Variants in NUFIP2 observed in about 807,000 individuals in gnomAD.
The protein encoded by NUFIP2 is nuclear FMR1 interacting protein 2.
Under a neutral mutation model 56.9 loss-of-function variants are expected in NUFIP2, and 6 were observed. The ratio of observed to expected loss-of-function variants is 0.11; its 90% confidence interval spans 0.06 to 0.21. NUFIP2 has a LOEUF of 0.21. NUFIP2 is among the 10% of genes least tolerant of loss of function. The probability of loss-of-function intolerance (pLI) is 1.00; values close to 1 mark genes in which losing one functional copy is unlikely to be tolerated. For missense variants in NUFIP2, 828 were observed against 826.8 expected (o/e 1.00, Z -0.02); for synonymous variants, 321 against 298.2 (o/e 1.08, Z -0.79).
At chr17:29,290,508 A>G (rs1253810124) in intron 1 of NUFIP2, among the ~76,000 whole-genome samples, 1 of 151,832 alleles carries the variant, frequency 6.6e-6, no homozygotes, top group Non-Finnish European at 1.5e-5. Flanking sequence ...AAAGAAAAAA[A>G]AAATCAGCTG....
chr17:29,292,905 GGGGGGCGCCGGCGCCCCCGCAGTGCA>G lies in NUFIP2; in HGVS notation c.277+852_277+877del, dbSNP rs1286984949. On this transcript the variant is annotated intron_variant, in intron 1 of 3. Coordinates refer to ENST00000225388, the MANE Select transcript of NUFIP2 (RefSeq NM_020772.3). ...ACGGGGGGGGGGGCGGCCGCGGTGCGGGGGGCGCCGGCGCCCCCGCAGTGCAGGGGGCGAGGCTGCGGCCGGTGGTG... is the reference window on the plus strand; with the variant it reads ...ACGGGGGGGGGGGCGGCCGCGGTGCGGGGGGCGAGGCTGCGGCCGGTGGTG... Among the ~76,000 whole-genome samples the G allele has an allele frequency of 6.2e-5, 9 of 144,768 alleles. No homozygotes were observed. The East Asian group carries it at 6.3e-4, about 10-fold the overall frequency. The allele number at this position is 144,768 out of a possible 152,430, so 95.0% of individuals were successfully genotyped here. A position where few individuals can be genotyped will look rare whatever the true frequency, so the allele number is the denominator to read the frequency against.
intron 2 of NUFIP2, among the ~76,000 whole-genome samples, chr17:29,283,912 T>C (rs1367656609): frequency 6.6e-6 from 1 of 152,234 alleles, no homozygotes; most frequent in Non-Finnish European, 1.5e-5. Flanking sequence ...TAAACTTCCA[T>C]TAAGCAATTC....
At chr17:29,275,485 G>C (rs930050086) in intron 2 of NUFIP2, among the ~76,000 whole-genome samples, 5 of 152,200 alleles carry the variant, frequency 3.3e-5, no homozygotes, top group Admixed American at 1.3e-4. Context: ...AGAGTGGGTA[G>C]AGTCAAGGAA....
chr17:29,260,196 G>C lies in NUFIP2; in HGVS notation c.*4343C>G, dbSNP rs1474752578. 1 of 152,074 alleles carries C rather than the reference G, an allele frequency of 6.6e-6. No homozygotes were observed. The highest frequency in any genetic ancestry group is 1.5e-5 in the Non-Finnish European group (1 of 68,004). 9.4% of individuals were successfully genotyped at this position (152,074 alleles called of 1,614,324 possible). ...TTATCAAAATTTTGTGGCGGGTAAG[G>C]GGACAAGAGCAAATCCTACGTTTTC... On this transcript the variant is annotated 3_prime_UTR_variant, in exon 4 of 4. Coordinates refer to ENST00000225388, the MANE Select transcript of NUFIP2 (RefSeq NM_020772.3).
chr17:29,265,241 T>A (rs1263408560), intron 3 of NUFIP2, among the ~76,000 whole-genome samples: 1 of 152,046 alleles, frequency 6.6e-6, no homozygotes, highest in African/African-American at 2.4e-5. Context: ...TCTTACTATT[T>A]AAGCTGCATG....
Position 29,264,372 on chromosome 17 carries a change from T to G in NUFIP2, c.*167A>C. 1 of 211,290 alleles carries G rather than the reference T, an allele frequency of 4.7e-6. No individual in the cohort carries two copies. Among genetic ancestry groups the G allele is most frequent in the Non-Finnish European group, 9.3e-6 (1 of 108,054 alleles). The allele number at this position is 211,290 out of a possible 1,614,324, so 13.1% of individuals were successfully genotyped here. ...ATTACTTTCAGTTGCCTTTTTTAAA[T>G]AACTATATATATATATATGTATATA... On this transcript the variant is annotated 3_prime_UTR_variant, in exon 4 of 4. Transcript: ENST00000225388.
chr17:29,289,394 A>C (rs1015836240), intron 1 of NUFIP2, among the ~76,000 whole-genome samples: 1 of 152,128 alleles, frequency 6.6e-6, no homozygotes, highest in African/African-American at 2.4e-5. Context: ...GGAGTTCAGG[A>C]CCAGCCTGAC....
At position 29,263,606 on chromosome 17, in the gene NUFIP2, G is replaced by A. The variant is rs762190437; in HGVS notation, c.*933C>T. ...AAGGAAAACAGCACATTTAGTGTTA[G>A]TGACGGAGAGCAAGTCTGGAGCACC... On this transcript the variant is annotated 3_prime_UTR_variant, in exon 4 of 4. Coordinates refer to ENST00000225388, the MANE Select transcript of NUFIP2 (RefSeq NM_020772.3). The A allele has an allele frequency of 2.0e-5, 3 of 152,640 alleles. No homozygotes were observed. Among genetic ancestry groups the A allele is most frequent in the Non-Finnish European group, 4.4e-5 (3 of 68,042 alleles). 9.5% of individuals were successfully genotyped at this position (152,640 alleles called of 1,614,324 possible). A position where few individuals can be genotyped will look rare whatever the true frequency, so the allele number is the denominator to read the frequency against.
rs1279279797 is a variant in NUFIP2 at position 29,286,219 on chromosome 17, G to A, written c.1775C>T (p.Ser592Phe). 3 of 1,614,016 alleles carry A rather than the reference G, an allele frequency of 1.9e-6. No homozygotes were observed. In the African/African-American group the frequency reaches 4.0e-5, roughly 22 times the overall value. Residue 592 changes from serine to phenylalanine, a missense_variant, in exon 2 of 4, where the codon TCC (serine) becomes TTC (phenylalanine). Physicochemically the swap from Ser to Phe is radical, Grantham distance 155. Transcript: ENST00000225388. ...GTCACCTATATGACTGGGTTCCAAG[G>A]ATAAGGCTCCACTCTCACTAGTAGT... Reference protein sequence around the residue: ...SGTTSESGALSLEPSHIGDLQ... With the variant: ...SGTTSESGALFLEPSHIGDLQ...
At chr17:29,275,346 T>C (rs1199038783) in intron 2 of NUFIP2, among the ~76,000 whole-genome samples, 1 of 152,028 alleles carries the variant, frequency 6.6e-6, no homozygotes, top group African/African-American at 2.4e-5. Flanking sequence ...TTAAGCCTAG[T>C]ATATAAAGTA....
chr17:29,286,873 G>T lies in NUFIP2; in HGVS notation c.1121C>A (p.Ser374Tyr). 1 of 1,614,216 alleles carries T rather than the reference G, an allele frequency of 6.2e-7. No individual in the cohort carries two copies. The highest frequency in any genetic ancestry group is 8.5e-7 in the Non-Finnish European group (1 of 1,180,052). ...ENLNKTIQNS[S>Y]VSPTSSSSSS... ...TGATGAAGATGAAGTTGGTGACACA[G>T]AAGAGTTCTGTATAGTTTTGTTGAG... Residue 374 changes from serine to tyrosine, a missense_variant, in exon 2 of 4, where the codon TCT becomes TAT. By Grantham distance (144) the Ser-to-Tyr change is moderately radical (BLOSUM62 -2). This residue lies in a region of NUFIP2 where 404 missense variants were observed against 380.3 expected (regional missense o/e 1.06). Coordinates refer to ENST00000225388, the MANE Select transcript of NUFIP2 (RefSeq NM_020772.3).
rs1342895123 is a variant in NUFIP2 at position 29,286,218 on chromosome 17, G to A, written c.1776C>T (p.Ser592=). Residue 592 remains serine, a synonymous_variant, in exon 2 of 4, where the codon TCC becomes TCT. Coordinates refer to ENST00000225388, the MANE Select transcript of NUFIP2 (RefSeq NM_020772.3). ...GGTCACCTATATGACTGGGTTCCAA[G>A]GATAAGGCTCCACTCTCACTAGTAG... is the stretch of plus-strand genomic sequence containing the variant. The part of the protein sequence containing the change: ...SGTTSESGAL[S]LEPSHIGDLQ... The A allele has an allele frequency of 6.2e-7, 1 of 1,613,964 alleles. No individual in the cohort carries two copies. Among genetic ancestry groups the A allele is most frequent in the African/African-American group, 1.3e-5 (1 of 74,874 alleles).
chr17:29,280,206 C>A (rs780973348), intron 2 of NUFIP2, among the ~76,000 whole-genome samples: 3 of 152,168 alleles, frequency 2.0e-5, no homozygotes, highest in Admixed American at 6.5e-5. Context: ...GACAGATCAA[C>A]CCAGTTTAAA....
rs1035944560 is a variant in NUFIP2 at position 29,263,610 on chromosome 17, C to T, written c.*929G>A. 3 of 152,576 alleles carry T rather than the reference C, an allele frequency of 2.0e-5. No individual in the cohort carries two copies. Among genetic ancestry groups the T allele is most frequent in the Non-Finnish European group, 4.4e-5 (3 of 68,032 alleles). 9.5% of individuals were successfully genotyped at this position (152,576 alleles called of 1,614,324 possible). A position where few individuals can be genotyped will look rare whatever the true frequency, so the allele number is the denominator to read the frequency against. ...AAAACAGCACATTTAGTGTTAGTGA[C>T]GGAGAGCAAGTCTGGAGCACCTACA... On this transcript the variant is annotated 3_prime_UTR_variant, in exon 4 of 4. Coordinates refer to ENST00000225388, the MANE Select transcript of NUFIP2 (RefSeq NM_020772.3).
At chr17:29,267,191 A>G (rs1259957916) in intron 3 of NUFIP2, among the ~76,000 whole-genome samples, 1 of 148,808 alleles carries the variant, frequency 6.7e-6, no homozygotes, top group Non-Finnish European at 1.5e-5. Flanking sequence ...GGCGTGAGCC[A>G]CCGTGCCCGG....
In NUFIP2 at chr17:29,261,218, A is replaced by T. The variant is rs1257652442; in HGVS notation, c.*3321T>A. 6.6e-6 allele frequency: 1 copy of T among 152,154 alleles called. No individual in the cohort carries two copies. Among genetic ancestry groups the T allele is most frequent in the East Asian group, 1.9e-4 (1 of 5,208 alleles). 9.4% of individuals were successfully genotyped at this position (152,154 alleles called of 1,614,324 possible). A position where few individuals can be genotyped will look rare whatever the true frequency, so the allele number is the denominator to read the frequency against. Reference sequence around the variant, plus strand: ...CATAGCTATTAAAAAAATAGGTCATAATTTCATTCTTAGTGCCATTTTTCA... The same window carrying T: ...CATAGCTATTAAAAAAATAGGTCATTATTTCATTCTTAGTGCCATTTTTCA... On this transcript the variant is annotated 3_prime_UTR_variant, in exon 4 of 4. Transcript: ENST00000225388.
chr17:29,280,341 C>T (rs1410883823), intron 2 of NUFIP2, among the ~76,000 whole-genome samples: 2 of 152,144 alleles, frequency 1.3e-5, no homozygotes, highest in African/African-American at 4.8e-5. Flanking sequence ...GTGTTCAAAG[C>T]TTTTAAAGTC....
Position 29,260,215 on chromosome 17 carries a change from C to G in NUFIP2, c.*4324G>C, listed in dbSNP as rs998688755. ...GGTAAGGGGACAAGAGCAAATCCTA[C>G]GTTTTCCTTTCAAATCCAACAGTTA... On this transcript the variant is annotated 3_prime_UTR_variant, in exon 4 of 4. Coordinates refer to ENST00000225388, the MANE Select transcript of NUFIP2 (RefSeq NM_020772.3). The G allele has an allele frequency of 6.6e-6, 1 of 151,886 alleles. No individual in the cohort carries two copies. 9.4% of individuals were successfully genotyped at this position (151,886 alleles called of 1,614,324 possible). A position where few individuals can be genotyped will look rare whatever the true frequency, so the allele number is the denominator to read the frequency against.
Position 29,293,925 on chromosome 17 carries a change from G to A in NUFIP2, c.135C>T (p.His45=). 3.1e-6 allele frequency: 5 copies of A among 1,613,872 alleles called. No individual in the cohort carries two copies. Among genetic ancestry groups the A allele is most frequent in the Non-Finnish European group, 4.2e-6 (5 of 1,179,834 alleles). ...HYYFYNHSHN[H]HHHHHHQQPH... is the part of the protein sequence containing the mutation. ...GCTGCTGGTGATGATGGTGGTGGTG[G>A]TGGTTGTGGCTGTGGTTGTAGAAAT... is the stretch of plus-strand genomic sequence containing the variant. Residue 45 remains histidine, a synonymous_variant, in exon 1 of 4, where the codon CAC becomes CAT. Transcript: ENST00000225388.
Sources: gnomAD v4.1 joint callset for allele counts (sites outside exome capture counted in the v4.1 genomes callset) on GRCh38, gnomAD v4.1.1 for gene constraint, gnomAD v4.1.1 regional missense constraint, MANE v1.5 for transcripts, NCBI Gene and HGNC (gene_info 2026-07-23, HGNC 2026-07-21) for gene names.